Variants in MAPK4 observed in about 807,000 individuals in gnomAD.
The protein encoded by MAPK4 is Erk3-related.
In MAPK4, 22 loss-of-function variants were observed where a neutral mutation model predicts 47.7. The observed-to-expected ratio is 0.46, with a 90% CI of 0.33 to 0.66. MAPK4 has a LOEUF of 0.66. MAPK4 is among the 30% of genes least tolerant of loss of function. MAPK4 has a pLI of 0.02. For missense variants in MAPK4, 736 were observed against 831.7 expected, an observed-to-expected ratio of 0.88 and a Z score of 1.42; for synonymous variants, 390 against 365.7, an observed-to-expected ratio of 1.07 and a Z score of -0.76.
chr18:50,633,994 G>A (rs2042856306), intron 1 of MAPK4, among the ~76,000 whole-genome samples: 1 of 152,184 alleles, frequency 6.6e-6, no homozygotes, highest in African/African-American at 2.4e-5. Flanking sequence ...TTGGGGAGGG[G>A]GAGGAGGTGT....
chr18:50,647,739 T>A (rs1264720696), intron 1 of MAPK4, among the ~76,000 whole-genome samples: 1 of 152,208 alleles, frequency 6.6e-6, no homozygotes, highest in African/African-American at 2.4e-5. Context: ...AGTTCCTGCC[T>A]GCTGTGCCAT....
At chr18:50,620,670 C>T (rs756283067) in intron 1 of MAPK4, among the ~76,000 whole-genome samples, 15 of 151,882 alleles carry the variant, frequency 9.9e-5, no homozygotes, top group African/African-American at 2.7e-4. Flanking sequence ...TTTGGGAGGC[C>T]GAGGTGGGAG....
intron 1 of MAPK4, among the ~76,000 whole-genome samples, chr18:50,643,732 C>T (rs1449067630): frequency 3.3e-5 from 5 of 152,146 alleles, no homozygotes; most frequent in Admixed American, 2.6e-4. Context: ...CAAGTAATCC[C>T]ATGGTTTTAG....
intron 1 of MAPK4, among the ~76,000 whole-genome samples, chr18:50,581,080 C>G: frequency 6.6e-6 from 1 of 152,356 alleles, no homozygotes; most frequent in Non-Finnish European, 1.5e-5. Context: ...ATCCTGGGCA[C>G]TCTCAACATC....
At chr18:50,597,470 C>T (rs1346184819) in intron 1 of MAPK4, among the ~76,000 whole-genome samples, 2 of 152,212 alleles carry the variant, frequency 1.3e-5, no homozygotes, top group Non-Finnish European at 2.9e-5. Flanking sequence ...ACATAGGTTT[C>T]TGGTTTTACA....
intron 1 of MAPK4, among the ~76,000 whole-genome samples, chr18:50,564,029 C>T (rs770660929): frequency 2.0e-5 from 3 of 152,150 alleles, no homozygotes; most frequent in Non-Finnish European, 4.4e-5. Flanking sequence ...TTTCTTGGTG[C>T]TCCTGAAACC....
Position 50,663,900 on chromosome 18 carries a change from C to T in MAPK4, c.-59C>T, listed in dbSNP as rs774550171. The T allele has an allele frequency of 8.0e-5, 117 of 1,469,034 alleles. No homozygotes were observed. Among genetic ancestry groups the T allele is most frequent in the Non-Finnish European group, 1.0e-4 (109 of 1,074,146 alleles). The allele number at this position is 1,469,034 out of a possible 1,614,324, so 91.0% of individuals were successfully genotyped here. ...GCGCGAGGGAGGCCGCTAGCCGAGA[C>T]TTGGCCTTTCCTGACTGCCCCTGTG... On this transcript the variant is annotated 5_prime_UTR_variant, in exon 2 of 6. Coordinates refer to ENST00000400384, the MANE Select transcript of MAPK4 (RefSeq NM_002747.4).
In MAPK4 at chr18:50,706,094, G is replaced by A. The variant is rs542549221; in HGVS notation, c.547-8985G>A. On this transcript the variant is annotated intron_variant, in intron 2 of 5. Transcript: ENST00000400384. ...TTAATAAAGCAGTACTTGGCACGGT[G>A]CCTGGCACATCATAATTTCTCAATA... The A allele has an allele frequency of 5.9e-5, 9 of 152,270 alleles. No homozygotes were observed. The East Asian group carries it at 1.7e-3, about 29-fold the overall frequency. The allele number at this position is 152,270 out of a possible 1,614,324, so 9.4% of individuals were successfully genotyped here. A position where few individuals can be genotyped will look rare whatever the true frequency, so the allele number is the denominator to read the frequency against.
At chr18:50,585,962 A>G (rs994123286) in intron 1 of MAPK4, among the ~76,000 whole-genome samples, 5 of 152,182 alleles carry the variant, frequency 3.3e-5, no homozygotes, top group African/African-American at 4.8e-5. Context: ...GGTCTGTCCC[A>G]TGACACATGG....
chr18:50,607,903 C>A lies in MAPK4; in HGVS notation c.-871+47660C>A, dbSNP rs745948385. Reference sequence around the variant, plus strand: ...TTGCAACAGCCTTCATCTATTGGACCCTATAATAAGAAGCCACATAATGAG... The same window carrying A: ...TTGCAACAGCCTTCATCTATTGGACACTATAATAAGAAGCCACATAATGAG... On this transcript the variant is annotated intron_variant, in intron 1 of 5. Transcript: ENST00000400384. 2.6e-5 allele frequency among the ~76,000 whole-genome samples: 4 copies of A among 152,044 alleles called. No homozygotes were observed. The East Asian group carries it at 7.7e-4, about 29-fold the overall frequency.
chr18:50,597,009 A>G (rs372432909), intron 1 of MAPK4, among the ~76,000 whole-genome samples: 4 of 152,150 alleles, frequency 2.6e-5, no homozygotes, highest in Admixed American at 6.5e-5. Flanking sequence ...AAAAGCACAG[A>G]TTTTGGCATC....
intron 2 of MAPK4, among the ~76,000 whole-genome samples, chr18:50,667,371 A>T (rs1907663320): frequency 6.6e-6 from 1 of 152,206 alleles, no homozygotes; most frequent in South Asian, 2.1e-4. Flanking sequence ...AGCACATTGC[A>T]GAAAGGGAGC....
At chr18:50,646,463 C>T (rs879339639) in intron 1 of MAPK4, among the ~76,000 whole-genome samples, 10 of 152,142 alleles carry the variant, frequency 6.6e-5, no homozygotes, top group South Asian at 2.1e-4. Flanking sequence ...CTGGCCATCC[C>T]GAGTGAGGGA....
At chr18:50,652,908 G>A (rs1350857010) in intron 1 of MAPK4, among the ~76,000 whole-genome samples, 1 of 152,102 alleles carries the variant, frequency 6.6e-6, no homozygotes, top group Non-Finnish European at 1.5e-5. Context: ...TTAGTGGCTG[G>A]GTATGGATTA....
intron 1 of MAPK4, among the ~76,000 whole-genome samples, chr18:50,574,284 A>T (rs1054637037): frequency 6.6e-6 from 1 of 152,182 alleles, no homozygotes; most frequent in African/African-American, 2.4e-5. Flanking sequence ...CTTTTATGGA[A>T]TTGGATTTAA....
rs539046074 is a variant in MAPK4 at position 50,678,026 on chromosome 18, G to C, written c.546+13522G>C. ...GGGCAGGTACTAACTAGTGCCATGT[G>C]AGCCTAAGCAAGTTACTTAACCTCC... On this transcript the variant is annotated intron_variant, in intron 2 of 5. Coordinates refer to ENST00000400384, the MANE Select transcript of MAPK4 (RefSeq NM_002747.4). This position sits in a 1 kb window ranked among gnomAD's most constrained non-coding sequence, Gnocchi z 4.2. Among the ~76,000 whole-genome samples the C allele has an allele frequency of 6.6e-6, 1 of 152,126 alleles. No individual in the cohort carries two copies. The highest frequency in any genetic ancestry group is 6.5e-5 in the Admixed American group (1 of 15,272).
At chr18:50,595,215 G>A (rs1217013031) in intron 1 of MAPK4, among the ~76,000 whole-genome samples, 1 of 152,148 alleles carries the variant, frequency 6.6e-6, no homozygotes, top group Non-Finnish European at 1.5e-5. Flanking sequence ...CAAGAGAAAT[G>A]CAAACGTGTC....
At chr18:50,694,710 C>A (rs1909410083) in intron 2 of MAPK4, among the ~76,000 whole-genome samples, 2 of 152,176 alleles carry the variant, frequency 1.3e-5, no homozygotes, top group Admixed American at 1.3e-4. Context: ...GTCACTTATT[C>A]ATCCAGGAAG....
rs1221594655 is a variant in MAPK4, at chr18:50,690,725, T to C, written c.547-24354T>C. ...CCTACTTGTCATTCCTCTTAGGGAA[T>C]GGAGGTGGGGAGTAGCTTGAGAATT... is the stretch of plus-strand genomic sequence containing the variant. On this transcript the variant is annotated intron_variant, in intron 2 of 5. Coordinates refer to ENST00000400384, the MANE Select transcript of MAPK4 (RefSeq NM_002747.4). 2.6e-5 allele frequency among the ~76,000 whole-genome samples: 4 copies of C among 152,342 alleles called. No homozygotes were observed. The East Asian group carries it at 7.7e-4, about 29-fold the overall frequency.
Sources: gnomAD v4.1 joint callset for allele counts (sites outside exome capture counted in the v4.1 genomes callset) on GRCh38, gnomAD v4.1.1 for gene constraint, Gnocchi (gnomAD v3.1) non-coding constraint, MANE v1.5 for transcripts, NCBI Gene and HGNC (gene_info 2026-07-23, HGNC 2026-07-21) for gene names.